The following SGCZ variants were observed in gnomAD, a reference collection of about 807,000 sequenced individuals.
The protein encoded by SGCZ is zeta-sarcoglycan.
Under a neutral mutation model 41.3 loss-of-function variants are expected in SGCZ, and 40 were observed. That is an observed-to-expected ratio of 0.97 (90% CI 0.75 to 1.26). The LOEUF (loss-of-function observed/expected upper bound fraction) is 1.26. Ranked by LOEUF, SGCZ falls within the 50% of genes most tolerant of loss-of-function variation. The pLI is 0.00. For synonymous variants in SGCZ, 206 were observed against 137.5 expected (o/e 1.50, Z -3.49); for missense variants, 552 against 369.8 (o/e 1.49, Z -4.04).
chr8:14,529,327 A>C (rs1803053328), intron 2 of SGCZ, among the ~76,000 whole-genome samples: 1 of 152,266 alleles, frequency 6.6e-6, no homozygotes, highest in Non-Finnish European at 1.5e-5. Flanking sequence ...CCTTCTACTT[A>C]TATGCCCTGT....
chr8:15,204,246 T>C (rs1354897550), intron 1 of SGCZ, among the ~76,000 whole-genome samples: 5 of 152,164 alleles, frequency 3.3e-5, no homozygotes, highest in Non-Finnish European at 7.4e-5. Context: ...CCAAGTACAG[T>C]ACACAATCAA....
At chr8:15,113,407 A>G (rs909438243) in intron 1 of SGCZ, among the ~76,000 whole-genome samples, 3 of 152,220 alleles carry the variant, frequency 2.0e-5, no homozygotes, top group East Asian at 1.9e-4. Flanking sequence ...CAAGTCCTCA[A>G]TTCAGCTAAC....
At chr8:14,877,475 CTTTAAT>C (rs1804408863) in intron 1 of SGCZ, among the ~76,000 whole-genome samples, 1 of 151,986 alleles carries the variant, frequency 6.6e-6, no homozygotes, top group South Asian at 2.1e-4. Context: ...ATGATAATTG[CTTTAAT>C]TTTATTTCCA....
intron 1 of SGCZ, among the ~76,000 whole-genome samples, chr8:14,865,152 C>G (rs1268848241): frequency 6.6e-6 from 1 of 152,004 alleles, no homozygotes; most frequent in Non-Finnish European, 1.5e-5. Context: ...GTGTCCTTAG[C>G]ATCACATTCA....
At chr8:14,931,390 T>C (rs1384755504) in intron 1 of SGCZ, among the ~76,000 whole-genome samples, 2 of 152,082 alleles carry the variant, frequency 1.3e-5, no homozygotes, top group African/African-American at 4.8e-5. Flanking sequence ...AAATAATAGA[T>C]AAAATTCAAT....
At chr8:14,141,884 C>G (rs1180409085) in intron 5 of SGCZ, among the ~76,000 whole-genome samples, 2 of 152,148 alleles carry the variant, frequency 1.3e-5, no homozygotes, top group African/African-American at 2.4e-5. Context: ...TATTGTGGCA[C>G]TATTCACAAT....
rs867241865 is a variant in SGCZ at position 14,255,555 on chromosome 8, C to T, written c.337-17876G>A. On this transcript the variant is annotated intron_variant, in intron 3 of 7. Transcript: ENST00000382080. Reference sequence around the variant, plus strand: ...TTACATTATAAATTTGTTTTATCATCGCTAAAAAGACAAAGTATAAATTTA... The same window carrying T: ...TTACATTATAAATTTGTTTTATCATTGCTAAAAAGACAAAGTATAAATTTA... Among the ~76,000 whole-genome samples, 11 of 151,744 alleles carry T rather than the reference C, an allele frequency of 7.2e-5. 1 individual carries two copies. The Middle Eastern group carries it at 0.011, about 146-fold the overall frequency.
At chr8:14,501,734 G>C (rs1024319771) in intron 2 of SGCZ, among the ~76,000 whole-genome samples, 1 of 151,434 alleles carries the variant, frequency 6.6e-6, no homozygotes. Flanking sequence ...GCCTGGCTTG[G>C]CTAATTTGGT....
intron 1 of SGCZ, among the ~76,000 whole-genome samples, chr8:15,113,764 A>G (rs1216324737): frequency 6.6e-6 from 1 of 152,138 alleles, no homozygotes; most frequent in Non-Finnish European, 1.5e-5. Flanking sequence ...ACCCTCTACA[A>G]TCCTCCTACA....
intron 1 of SGCZ, among the ~76,000 whole-genome samples, chr8:14,892,260 C>G (rs1385439914): frequency 6.6e-6 from 1 of 152,162 alleles, no homozygotes; most frequent in Non-Finnish European, 1.5e-5. Context: ...CATGTGCCAT[C>G]AGGATATATC....
chr8:14,543,945 C>T (rs1449099767), intron 2 of SGCZ, among the ~76,000 whole-genome samples: 1 of 151,950 alleles, frequency 6.6e-6, no homozygotes, highest in African/African-American at 2.4e-5. Flanking sequence ...GTGTTATGGC[C>T]CATCACCAGT....
intron 4 of SGCZ, among the ~76,000 whole-genome samples, chr8:14,234,316 T>C (rs925764094): frequency 2.0e-5 from 3 of 151,932 alleles, no homozygotes; most frequent in African/African-American, 7.2e-5. Flanking sequence ...ACTACATATA[T>C]CCCTGTGAGT....
intron 2 of SGCZ, among the ~76,000 whole-genome samples, chr8:14,429,438 G>T (rs1799881215): frequency 6.6e-6 from 1 of 152,134 alleles, no homozygotes; most frequent in Non-Finnish European, 1.5e-5. Flanking sequence ...ATAGGAGGAG[G>T]CCAGCAGCAA....
At position 14,558,600 on chromosome 8, in the gene SGCZ, GA is replaced by G. The variant is rs1563410151; in HGVS notation, c.40-3675del. On this transcript the variant is annotated intron_variant, in intron 1 of 7. Transcript: ENST00000382080. ...AGAGAGAGAGAGAGAGAGAGAGAGA[GA>G]GAGAGAGAGAGAATCTTCCATAAAT... Among the ~76,000 whole-genome samples the G allele has an allele frequency of 3.4e-4, 52 of 151,248 alleles. 1 individual carries two copies. Among genetic ancestry groups the G allele is most frequent in the African/African-American group, 1.2e-3 (49 of 41,256 alleles).
intron 1 of SGCZ, among the ~76,000 whole-genome samples, chr8:15,008,661 AT>A (rs1802702287): frequency 2.6e-5 from 2 of 78,232 alleles, no homozygotes; most frequent in African/African-American, 1.3e-4. Flanking sequence ...AGGGAAGGAG[AT>A]GGGAGGGGAG....
chr8:14,931,473 T>A (rs1361201576), intron 1 of SGCZ, among the ~76,000 whole-genome samples: 1 of 152,044 alleles, frequency 6.6e-6, no homozygotes, highest in Non-Finnish European at 1.5e-5. Context: ...TGTACATTAT[T>A]TCAATTCTCT....
intron 1 of SGCZ, among the ~76,000 whole-genome samples, chr8:14,822,598 C>A (rs1802141309): frequency 6.6e-6 from 1 of 151,974 alleles, no homozygotes. Context: ...GCTATAGAAA[C>A]CAAAACAGCA....
At chr8:14,615,305 G>A (rs2221763) in intron 1 of SGCZ, among the ~76,000 whole-genome samples, 3 of 152,010 alleles carry the variant, frequency 2.0e-5, no homozygotes, top group Non-Finnish European at 4.4e-5. Context: ...TGCAAGCAAT[G>A]CACTCATCAC....
intron 1 of SGCZ, among the ~76,000 whole-genome samples, chr8:15,204,377 G>C (rs1800994504): frequency 6.6e-6 from 1 of 152,188 alleles, no homozygotes; most frequent in African/African-American, 2.4e-5. Flanking sequence ...AGGTACTTTA[G>C]ATAGGAATAG....
Sources: allele counts gnomAD v4.1 joint callset (sites outside exome capture counted in the v4.1 genomes callset), GRCh38; gene constraint gnomAD v4.1.1; transcripts MANE v1.5; gene names NCBI Gene and HGNC (gene_info 2026-07-23, HGNC 2026-07-21).